The following CUX1 variants were observed in gnomAD, a reference collection of about 807,000 sequenced individuals.
CUX1 encodes protein CASP.
Under a neutral mutation model 158.8 loss-of-function variants are expected in CUX1, and 31 were observed. The observed-to-expected ratio is 0.20, with a 90% CI of 0.15 to 0.26. The LOEUF is 0.26. CUX1 is among the 10% of genes least tolerant of loss of function. The pLI is 1.00. For missense variants in CUX1, 1,589 were observed against 2,014.6 expected (o/e 0.79, Z 4.04); for synonymous variants, 879 against 862.1 (o/e 1.02, Z -0.34).
intron 5 of CUX1, among the ~76,000 whole-genome samples, chr7:102,102,062 G>A (rs981134092): frequency 3.9e-5 from 6 of 152,120 alleles, no homozygotes; most frequent in African/African-American, 7.2e-5. Context: ...GGCCTCGTCC[G>A]TATGGCTTGA....
chr7:102,046,601 C>T (rs1257661447), intron 3 of CUX1, among the ~76,000 whole-genome samples: 1 of 64,020 alleles, frequency 1.6e-5, no homozygotes, highest in Non-Finnish European at 2.8e-5. Flanking sequence ...TTTTTTGAGA[C>T]AGTCTCACTC....
chr7:102,242,663 A>C (rs1309277123), intron 23 of CUX1, among the ~76,000 whole-genome samples: 1 of 152,246 alleles, frequency 6.6e-6, no homozygotes, highest in African/African-American at 2.4e-5. Context: ...CCAATTATAC[A>C]AAACAGTTCC....
intron 20 of CUX1, 132 bp from the exon 21 acceptor site, chr7:102,227,235 G>A (rs1798430146): frequency 2.6e-6 from 2 of 765,000 alleles, no homozygotes; most frequent in South Asian, 1.8e-5. Context: ...AGTTCACTAA[G>A]ACCCACAGAA....
Position 102,234,125 on chromosome 7 carries a change from A to C in CUX1, c.3507A>C (p.Lys1169Asn). 6.3e-7 allele frequency: 1 copy of C among 1,599,386 alleles called. No individual in the cohort carries two copies. The highest frequency in any genetic ancestry group is 2.3e-5 in the East Asian group (1 of 43,054). The change falls in exon 22 of 24, where the codon AAA (lysine) becomes AAC (asparagine). Residue 1169 changes from lysine (K) to asparagine (N), a missense_variant. Around this residue, in one of 8 missense-constraint regions of CUX1, gnomAD observed 259 missense variants for 373.8 expected, o/e 0.69. Coordinates refer to ENST00000292535, the MANE Select transcript of CUX1 (RefSeq NM_181552.4). ...GSVSDLLARP[K>N]PWHKLSLKGR... is the part of the protein sequence containing the mutation. ...TCTCTGACCTCCTTGCCCGCCCCAAACCCTGGCATAAGCTCAGTCTGAAAG... is the reference window on the plus strand; with the variant it reads ...TCTCTGACCTCCTTGCCCGCCCCAACCCCTGGCATAAGCTCAGTCTGAAAG...
chr7:102,017,510 C>A lies in CUX1; in HGVS notation c.142-10588C>A, dbSNP rs528135785. ...GGGCAGGGACTGTGACTGTCTCATT[C>A]ACTGCTCGTAGTTAATGCTCAAATG... On this transcript the variant is annotated intron_variant, in intron 2 of 23. Coordinates refer to ENST00000292535, the MANE Select transcript of CUX1 (RefSeq NM_181552.4). 2.6e-5 allele frequency among the ~76,000 whole-genome samples: 4 copies of A among 152,244 alleles called. No homozygotes were observed. The South Asian group carries it at 6.2e-4, about 24-fold the overall frequency.
rs1795487910 is a variant in CUX1 at position 102,201,893 on chromosome 7, G to A, written c.2596G>A (p.Glu866Lys). Residue 866 changes from glutamate (E) to lysine (K), a missense_variant, in exon 18 of 24, where the codon GAG becomes AAG. Around this residue, in one of 8 missense-constraint regions of CUX1, gnomAD observed 337 missense variants for 409.3 expected, o/e 0.82. Coordinates refer to ENST00000292535, the MANE Select transcript of CUX1 (RefSeq NM_181552.4). This position sits in a 1 kb window ranked among gnomAD's most constrained non-coding sequence, Gnocchi z 5.0. ...GSGGGSQPRA[E>K]RSQLQGPSSS... ...CGGAGGTGGCAGCCAGCCTCGGGCCGAGCGCAGTCAGCTCCAGGGACCCTC... is the reference window on the plus strand; with the variant it reads ...CGGAGGTGGCAGCCAGCCTCGGGCCAAGCGCAGTCAGCTCCAGGGACCCTC... 2 of 1,613,804 alleles carry A rather than the reference G, an allele frequency of 1.2e-6. No homozygotes were observed. The highest frequency in any genetic ancestry group is 1.7e-5 in the Admixed American group (1 of 60,020).
chr7:101,986,519 C>T (rs1814316218), intron 2 of CUX1, among the ~76,000 whole-genome samples: 2 of 152,202 alleles, frequency 1.3e-5, no homozygotes, highest in African/African-American at 4.8e-5. Context: ...TTTACTTAAT[C>T]TTCCCAAGGA....
Position 101,831,330 on chromosome 7 carries a change from G to A in CUX1, c.30+13661G>A, listed in dbSNP as rs148691866. On this transcript the variant is annotated intron_variant, in intron 1 of 23. Transcript: ENST00000292535. ...TTTCGAGATGGAGTCTTGCTTTGTC[G>A]TCCAGGCTAAAGTGCAGTGGTGCAA... 2.5e-3 allele frequency among the ~76,000 whole-genome samples: 374 copies of A among 151,112 alleles called. 3 individuals carry two copies. Among genetic ancestry groups the A allele is most frequent in the African/African-American group, 8.6e-3 (352 of 41,100 alleles).
At chr7:102,170,634 C>A in intron 10 of CUX1, 84 bp downstream of exon 10, 1 of 937,532 alleles carries the variant, frequency 1.1e-6, no homozygotes, top group Non-Finnish European at 1.6e-6. Flanking sequence ...TTTTTGTTTT[C>A]AGCATCTCTT....
At position 102,257,218 on chromosome 7, in the gene CUX1, C is replaced by T. The variant is rs982730163; in HGVS notation, c.*8176C>T. The T allele has an allele frequency of 4.6e-5, 45 of 985,286 alleles. No homozygotes were observed. The African/African-American group carries it at 7.5e-4, about 16-fold the overall frequency. 61.0% of individuals were successfully genotyped at this position (985,286 alleles called of 1,614,324 possible). ...ATCTCTTTCCATATCATCACCTCCCCTTCTCCAAGATTGCCGGGGGCCCTG... is the reference window on the plus strand; with the variant it reads ...ATCTCTTTCCATATCATCACCTCCCTTTCTCCAAGATTGCCGGGGGCCCTG... On this transcript the variant is annotated 3_prime_UTR_variant, in exon 24 of 24. Coordinates refer to ENST00000292535, the MANE Select transcript of CUX1 (RefSeq NM_181552.4).
chr7:101,983,530 G>A (rs928689314), intron 2 of CUX1, among the ~76,000 whole-genome samples: 6 of 152,166 alleles, frequency 3.9e-5, no homozygotes, highest in African/African-American at 9.7e-5. Context: ...AGAAATACCC[G>A]AGGCTGAGTA....
At chr7:101,893,239 C>T (rs1413158816) in intron 1 of CUX1, among the ~76,000 whole-genome samples, 1 of 129,742 alleles carries the variant, frequency 7.7e-6, no homozygotes, top group Non-Finnish European at 1.6e-5. Flanking sequence ...AACTCCTGGG[C>T]TTAAGCAACC....
At chr7:101,848,076 GAAAA>G (rs1349749436) in intron 1 of CUX1, among the ~76,000 whole-genome samples, 1 of 111,398 alleles carries the variant, frequency 9.0e-6, no homozygotes, top group Non-Finnish European at 1.9e-5. Context: ...AAAAAAAAAA[GAAAA>G]GAAAAAATAA....
chr7:102,104,871 A>G (rs1830169580), intron 6 of CUX1, among the ~76,000 whole-genome samples: 2 of 152,282 alleles, frequency 1.3e-5, no homozygotes, highest in Middle Eastern at 3.4e-3. Context: ...CAGCCTGGGC[A>G]ACAGAGTGAG....
chr7:102,061,183 C>T (rs965035831), intron 3 of CUX1, among the ~76,000 whole-genome samples: 1 of 152,156 alleles, frequency 6.6e-6, no homozygotes, highest in African/African-American at 2.4e-5. Context: ...TTTGGCCTCC[C>T]AAAGTGCTGG....
At chr7:102,163,640 G>A (rs1790699090) in intron 9 of CUX1, among the ~76,000 whole-genome samples, 1 of 152,238 alleles carries the variant, frequency 6.6e-6, no homozygotes, top group Non-Finnish European at 1.5e-5. Flanking sequence ...CAGGAGAGCT[G>A]TGGGAGGCTA....
At chr7:101,963,401 C>T (rs921341361) in intron 2 of CUX1, among the ~76,000 whole-genome samples, 1 of 152,010 alleles carries the variant, frequency 6.6e-6, no homozygotes, top group African/African-American at 2.4e-5. Flanking sequence ...ATGAGGCAGG[C>T]GTGGCTCCCG....
At chr7:101,867,460 C>T (rs1798050604) in intron 1 of CUX1, among the ~76,000 whole-genome samples, 1 of 152,214 alleles carries the variant, frequency 6.6e-6, no homozygotes, top group Non-Finnish European at 1.5e-5. Context: ...ACAAGAGGCA[C>T]AGGTGTTAGG....
At chr7:101,898,462 C>T (rs776551821) in intron 1 of CUX1, among the ~76,000 whole-genome samples, 35 of 152,080 alleles carry the variant, frequency 2.3e-4, no homozygotes, top group Admixed American at 3.9e-4. Context: ...GTGCCAGGCT[C>T]GTAATTCCCT....
Sources: allele counts gnomAD v4.1 joint callset (sites outside exome capture counted in the v4.1 genomes callset), GRCh38; gene constraint gnomAD v4.1.1; regional missense constraint gnomAD v4.1.1; non-coding constraint Gnocchi (gnomAD v3.1); transcripts MANE v1.5; gene names NCBI Gene and HGNC (gene_info 2026-07-23, HGNC 2026-07-21).